The following CADM2 variants were observed in gnomAD, a reference collection of about 807,000 sequenced individuals.
The protein encoded by CADM2 is immunoglobulin superfamily member 4D.
A neutral mutation model predicts 49.8 loss-of-function variants in CADM2; 12 were observed. That is an observed-to-expected ratio of 0.24 (90% CI 0.15 to 0.39). The LOEUF (loss-of-function observed/expected upper bound fraction) is 0.39, where lower values mean the gene tolerates loss of function less well. Ranked by LOEUF, CADM2 falls within the 10% of genes least tolerant of loss-of-function variation. The probability of loss-of-function intolerance (pLI) is 1.00; values close to 1 mark genes in which losing one functional copy is unlikely to be tolerated. For missense variants in CADM2, 378 were observed against 492.3 expected (o/e 0.77, Z 2.20); for synonymous variants, 214 against 175.4 (o/e 1.22, Z -1.74).
At chr3:85,225,130 C>T (rs2042127793) in intron 1 of CADM2, among the ~76,000 whole-genome samples, 1 of 152,104 alleles carries the variant, frequency 6.6e-6, no homozygotes, top group South Asian at 2.1e-4. Context: ...TTCCCCAATT[C>T]TATGAAGGAA....
rs1017128629 is a variant in CADM2 at position 85,292,354 on chromosome 3, C to A, written c.61+332686C>A. On this transcript the variant is annotated intron_variant, in intron 1 of 9. Transcript: ENST00000383699. ...CATTAATAGTGGGAGACTTTAACAC[C>A]CCACTGTCAACATTAGACAGATCAA... is the stretch of plus-strand genomic sequence containing the variant. Among the ~76,000 whole-genome samples the A allele has an allele frequency of 1.0e-4, 15 of 150,582 alleles. 1 individual carries two copies. The highest frequency in any genetic ancestry group is 3.7e-4 in the African/African-American group (15 of 40,720).
At chr3:85,136,979 G>T (rs1405350438) in intron 1 of CADM2, among the ~76,000 whole-genome samples, 1 of 151,858 alleles carries the variant, frequency 6.6e-6, no homozygotes, top group Non-Finnish European at 1.5e-5. Flanking sequence ...ACACAACGAA[G>T]TACCAAGAAC....
chr3:85,139,184 C>T (rs570726453), intron 1 of CADM2, among the ~76,000 whole-genome samples: 1 of 152,204 alleles, frequency 6.6e-6, no homozygotes, highest in South Asian at 2.1e-4. Context: ...TTAGGAACAT[C>T]CTTGAGAAGG....
intron 1 of CADM2, among the ~76,000 whole-genome samples, chr3:85,696,260 T>C (rs1449771511): frequency 6.6e-6 from 1 of 152,164 alleles, no homozygotes; most frequent in Non-Finnish European, 1.5e-5. Flanking sequence ...GCAGAAACTT[T>C]TTAGTTTAAT....
chr3:85,994,910 A>G (rs764236072), intron 8 of CADM2, among the ~76,000 whole-genome samples: 2 of 151,734 alleles, frequency 1.3e-5, no homozygotes, highest in Non-Finnish European at 2.9e-5. Flanking sequence ...AAATATTGTC[A>G]AAATCCCCAA....
chr3:85,511,825 C>T (rs2040630270), intron 1 of CADM2: 3 of 956,452 alleles, frequency 3.1e-6, no homozygotes, highest in African/African-American at 3.5e-5. Context: ...CCCTTTGAAA[C>T]TAATGGCATG....
intron 1 of CADM2, among the ~76,000 whole-genome samples, chr3:85,041,295 A>C (rs922964293): frequency 6.6e-6 from 1 of 152,044 alleles, no homozygotes; most frequent in African/African-American, 2.4e-5. Flanking sequence ...ATCAGGGTGT[A>C]ATTTTAGGCA....
intron 1 of CADM2, among the ~76,000 whole-genome samples, chr3:85,141,496 C>T (rs1256537582): frequency 1.3e-5 from 2 of 152,110 alleles, no homozygotes; most frequent in Non-Finnish European, 2.9e-5. Flanking sequence ...GAAAAAGATG[C>T]TTCTAAAAAC....
intron 1 of CADM2, among the ~76,000 whole-genome samples, chr3:85,219,065 A>G (rs2041992067): frequency 6.6e-6 from 1 of 152,180 alleles, no homozygotes; most frequent in Non-Finnish European, 1.5e-5. Context: ...CTCAACATCA[A>G]TTTGAAAGAG....
intron 1 of CADM2, among the ~76,000 whole-genome samples, chr3:85,017,605 T>G (rs192324186): frequency 6.6e-6 from 1 of 152,326 alleles, no homozygotes; most frequent in Admixed American, 6.5e-5. Context: ...TTTCTTGTTT[T>G]ATTTAGACAA....
chr3:85,811,767 A>G (rs1216782084), intron 3 of CADM2, among the ~76,000 whole-genome samples: 1 of 152,042 alleles, frequency 6.6e-6, no homozygotes, highest in Non-Finnish European at 1.5e-5. Context: ...CTGAGTAGAT[A>G]GTCACCACCA....
At chr3:85,428,261 A>C (rs1037857463) in intron 1 of CADM2, among the ~76,000 whole-genome samples, 2 of 148,880 alleles carry the variant, frequency 1.3e-5, no homozygotes, top group African/African-American at 2.4e-5. Context: ...GAACTTAAAT[A>C]GTCAATAATA....
intron 1 of CADM2, among the ~76,000 whole-genome samples, chr3:85,085,206 C>A (rs907463718): frequency 6.6e-6 from 1 of 152,024 alleles, no homozygotes; most frequent in Non-Finnish European, 1.5e-5. Flanking sequence ...TTACTAACAT[C>A]TTCCCAATTA....
intron 1 of CADM2, among the ~76,000 whole-genome samples, chr3:85,398,305 C>T (rs1458204942): frequency 6.7e-6 from 1 of 148,916 alleles, no homozygotes; most frequent in Non-Finnish European, 1.5e-5. Context: ...TGGTTTCCAG[C>T]TTCATCCATG....
chr3:85,337,247 T>C (rs2045115461), intron 1 of CADM2, among the ~76,000 whole-genome samples: 4 of 150,628 alleles, frequency 2.7e-5, no homozygotes, highest in Admixed American at 1.3e-4. Context: ...TTTAGTGTGA[T>C]GATTTGTCTA....
chr3:85,394,935 CT>C (rs1182308688), intron 1 of CADM2, among the ~76,000 whole-genome samples: 10 of 152,056 alleles, frequency 6.6e-5, no homozygotes, highest in African/African-American at 2.4e-4. Flanking sequence ...ATTTATTGAT[CT>C]TCACAAAACT....
chr3:85,262,588 C>T (rs996485967), intron 1 of CADM2, among the ~76,000 whole-genome samples: 1 of 152,016 alleles, frequency 6.6e-6, no homozygotes, highest in Admixed American at 6.6e-5. Flanking sequence ...CTAAATTTAT[C>T]TTCCTTAAAA....
intron 1 of CADM2, among the ~76,000 whole-genome samples, chr3:85,204,379 T>C (rs950446214): frequency 6.6e-6 from 1 of 152,152 alleles, no homozygotes; most frequent in Non-Finnish European, 1.5e-5. Flanking sequence ...CTTCAGAGTT[T>C]ACACTCCAAA....
At chr3:85,083,100 T>C (rs999846428) in intron 1 of CADM2, among the ~76,000 whole-genome samples, 4 of 152,106 alleles carry the variant, frequency 2.6e-5, no homozygotes, top group African/African-American at 9.6e-5. Flanking sequence ...TGTATATGTG[T>C]ATTATATACA....
Sources: allele counts gnomAD v4.1 joint callset (sites outside exome capture counted in the v4.1 genomes callset), GRCh38; gene constraint gnomAD v4.1.1; transcripts MANE v1.5; gene names NCBI Gene and HGNC (gene_info 2026-07-23, HGNC 2026-07-21).